PLCB1: variants seen among roughly 807,000 people sequenced by gnomAD.
The protein encoded by PLCB1 is 1-phosphatidylinositol 4,5-bisphosphate phosphodiesterase beta-1.
A neutral mutation model predicts 161.8 loss-of-function variants in PLCB1; 46 were observed. That is an observed-to-expected ratio of 0.28 (90% confidence interval 0.22 to 0.36). PLCB1 has a LOEUF of 0.36. Ranked by LOEUF, PLCB1 falls within the 10% of genes least tolerant of loss-of-function variation. The pLI is 1.00. For missense variants in PLCB1, 1,016 were observed against 1,472.5 expected, an observed-to-expected ratio of 0.69 and a Z score of 5.07; for synonymous variants, 517 against 503.7, an observed-to-expected ratio of 1.03 and a Z score of -0.35.
At chr20:8,511,228 T>A (rs1568706388) in intron 3 of PLCB1, among the ~76,000 whole-genome samples, 1 of 152,178 alleles carries the variant, frequency 6.6e-6, no homozygotes, top group Non-Finnish European at 1.5e-5. Context: ...AGTATTTACT[T>A]ATCTTTCTCT....
intron 31 of PLCB1, among the ~76,000 whole-genome samples, chr20:8,874,225 T>TAC (rs56986559): frequency 0.047 from 6,164 of 132,502 alleles, 153 homozygotes; most frequent in African/African-American, 0.091. Flanking sequence ...TATGTGTATG[T>TAC]ACACACACAC....
chr20:8,241,620 A>G (rs953508717), intron 2 of PLCB1, among the ~76,000 whole-genome samples: 1 of 151,844 alleles, frequency 6.6e-6, no homozygotes, highest in African/African-American at 2.4e-5. Context: ...TATCTAATCT[A>G]TGCTCACAAG....
chr20:8,727,015 T>G (rs2123487167), intron 16 of PLCB1, among the ~76,000 whole-genome samples: 1 of 152,100 alleles, frequency 6.6e-6, no homozygotes, highest in African/African-American at 2.4e-5. Flanking sequence ...TTTTGACAAA[T>G]TTTTTTATTG....
chr20:8,237,055 G>A (rs1297404231), intron 2 of PLCB1, among the ~76,000 whole-genome samples: 6 of 151,912 alleles, frequency 3.9e-5, no homozygotes, highest in African/African-American at 7.3e-5. Flanking sequence ...GGTAGCCTTT[G>A]GCATATTTAT....
At chr20:8,211,961 C>G (rs938178907) in intron 2 of PLCB1, among the ~76,000 whole-genome samples, 1 of 152,066 alleles carries the variant, frequency 6.6e-6, no homozygotes, top group Admixed American at 6.6e-5. Context: ...CTGAAAGTAG[C>G]TGAAATATGA....
At chr20:8,419,023 ACAT>A (rs1979424608) in intron 3 of PLCB1, among the ~76,000 whole-genome samples, 2 of 152,218 alleles carry the variant, frequency 1.3e-5, no homozygotes, top group African/African-American at 4.8e-5. Context: ...TGTAATTTTC[ACAT>A]CATTATTGCA....
At chr20:8,364,195 C>A (rs1316177125) in intron 2 of PLCB1, among the ~76,000 whole-genome samples, 1 of 152,090 alleles carries the variant, frequency 6.6e-6, no homozygotes, top group Non-Finnish European at 1.5e-5. Context: ...AACTCCAGAC[C>A]TTGGTGGATT....
chr20:8,577,690 A>G (rs924347974), intron 3 of PLCB1, among the ~76,000 whole-genome samples: 2 of 152,208 alleles, frequency 1.3e-5, no homozygotes, highest in South Asian at 4.1e-4. Context: ...ATCCATGGAC[A>G]GTAAACCATG....
chr20:8,150,424 A>G, intron 2 of PLCB1, 53 bp downstream of exon 2: 1 of 786,746 alleles, frequency 1.3e-6, no homozygotes, highest in African/African-American at 1.8e-5. Context: ...ACTACTTTGA[A>G]AAGTATTTAT....
At position 8,602,991 on chromosome 20, in the gene PLCB1, C is replaced by A. The variant is rs186239165; in HGVS notation, c.247-25303C>A. ...CTTAGCATTGCTTACTTTTGTAAAGCCCCAGATATATATAACTCATTGTTA... is the reference window on the plus strand; with the variant it reads ...CTTAGCATTGCTTACTTTTGTAAAGACCCAGATATATATAACTCATTGTTA... On this transcript the variant is annotated intron_variant, in intron 3 of 31. Coordinates refer to ENST00000338037, the MANE Select transcript of PLCB1 (RefSeq NM_015192.4). Among the ~76,000 whole-genome samples, 28 of 151,990 alleles carry A rather than the reference C, an allele frequency of 1.8e-4. No individual in the cohort carries two copies. The East Asian group carries it at 5.0e-3, about 27-fold the overall frequency.
chr20:8,558,253 T>A (rs1430378003), intron 3 of PLCB1, among the ~76,000 whole-genome samples: 1 of 151,960 alleles, frequency 6.6e-6, no homozygotes. Flanking sequence ...ATGCATTGCA[T>A]GCCTGTATCA....
At position 8,741,454 on chromosome 20, in the gene PLCB1, C is replaced by T. The variant is rs762038948; in HGVS notation, c.2414-10C>T. The T allele has an allele frequency of 1.3e-6, 2 of 1,572,350 alleles. No individual in the cohort carries two copies. Among genetic ancestry groups the T allele is most frequent in the South Asian group, 2.2e-5 (2 of 90,056 alleles). On this transcript the variant is annotated splice_polypyrimidine_tract_variant and intron_variant, in intron 22 of 31. Coordinates refer to ENST00000338037, the MANE Select transcript of PLCB1 (RefSeq NM_015192.4). ...GGACCTTTGATCTAAAATATCTCTTCCCTATTTAGATGTCATCGAAGCTTT... is the reference window on the plus strand; with the variant it reads ...GGACCTTTGATCTAAAATATCTCTTTCCTATTTAGATGTCATCGAAGCTTT...
chr20:8,647,185 T>C (rs2123288953), intron 5 of PLCB1, among the ~76,000 whole-genome samples: 1 of 152,308 alleles, frequency 6.6e-6, no homozygotes, highest in Middle Eastern at 3.4e-3. Flanking sequence ...TGTCTTTGAT[T>C]TTATCATCCT....
At chr20:8,872,848 C>T (rs996107055) in intron 31 of PLCB1, among the ~76,000 whole-genome samples, 20 of 152,142 alleles carry the variant, frequency 1.3e-4, no homozygotes, top group African/African-American at 4.1e-4. Context: ...TTCAGCACTC[C>T]AACACCCGGC....
At chr20:8,679,138 A>G (rs534555529) in intron 9 of PLCB1, among the ~76,000 whole-genome samples, 3 of 152,334 alleles carry the variant, frequency 2.0e-5, no homozygotes, top group African/African-American at 7.2e-5. Context: ...ACCACCAGTA[A>G]GGAATACCCT....
chr20:8,771,031 C>A (rs1982649980), intron 26 of PLCB1, among the ~76,000 whole-genome samples: 1 of 152,082 alleles, frequency 6.6e-6, no homozygotes, highest in Non-Finnish European at 1.5e-5. Context: ...AGAGAAACAA[C>A]ACACATGCGT....
intron 2 of PLCB1, among the ~76,000 whole-genome samples, chr20:8,283,445 A>G (rs1982971540): frequency 1.3e-5 from 2 of 151,636 alleles, no homozygotes; most frequent in South Asian, 4.1e-4. Context: ...GAATTATACT[A>G]TATATTATAA....
rs57511588 is a variant in PLCB1 at position 8,582,988 on chromosome 20, C to CAAA, written c.247-45293_247-45291dup. Reference sequence around the variant, plus strand: ...TGGGTGACAGAGTGAGACTCCATCTCAAAAAAAAAAAAAAAGAAAAGGAAA... The same window carrying CAAA: ...TGGGTGACAGAGTGAGACTCCATCTCAAAAAAAAAAAAAAAAAAGAAAAGGAAA... On this transcript the variant is annotated intron_variant, in intron 3 of 31. Transcript: ENST00000338037. Among the ~76,000 whole-genome samples the CAAA allele has an allele frequency of 4.2e-3, 529 of 125,122 alleles. 13 individuals carry two copies. The highest frequency in any genetic ancestry group is 0.013 in the African/African-American group (452 of 35,448). 82.1% of individuals were successfully genotyped at this position (125,122 alleles called of 152,430 possible).
chr20:8,357,806 C>T (rs2745790), intron 2 of PLCB1, among the ~76,000 whole-genome samples: 6,381 of 152,248 alleles, frequency 0.042, 175 homozygotes, highest in African/African-American at 0.057. Context: ...CTTAGTTCAT[C>T]GCCCAATTTA....
Sources: gnomAD v4.1 joint callset for allele counts (sites outside exome capture counted in the v4.1 genomes callset) on GRCh38, gnomAD v4.1.1 for gene constraint, MANE v1.5 for transcripts, NCBI Gene and HGNC (gene_info 2026-07-23, HGNC 2026-07-21) for gene names.